FERMT2: variants seen among roughly 807,000 people sequenced by gnomAD.
FERMT2 encodes the protein FERM domain containing kindlin 2.
FERMT2 carries 15 observed loss-of-function variants against 82.7 expected under a neutral mutation model. The observed-to-expected ratio is 0.18, with a 90% CI of 0.12 to 0.28. The LOEUF is 0.28. Among genes scored for constraint, FERMT2 ranks in the 10% least tolerant of loss-of-function variants. The pLI is 1.00. For missense variants in FERMT2, 645 were observed against 809.4 expected (o/e 0.80, Z 2.46); for synonymous variants, 274 against 271.5 (o/e 1.01, Z -0.09).
chr14:52,906,889 A>G (rs1363055132), intron 3 of FERMT2, among the ~76,000 whole-genome samples: 1 of 145,754 alleles, frequency 6.9e-6, no homozygotes, highest in Non-Finnish European at 1.5e-5. Context: ...CAGAGGAACA[A>G]TAACAGACTT....
intron 2 of FERMT2, chr14:52,948,577 T>C (rs1890469135): frequency 2.2e-6 from 1 of 455,724 alleles, no homozygotes; most frequent in Non-Finnish European, 4.4e-6. Flanking sequence ...TGGGCTTCTT[T>C]TCTCTGCATA....
In FERMT2 at chr14:52,867,042, G is replaced by A. The variant is rs530316789; in HGVS notation, c.1274-2189C>T. 2.0e-5 allele frequency among the ~76,000 whole-genome samples: 3 copies of A among 149,756 alleles called. No individual in the cohort carries two copies. In the East Asian group the frequency reaches 5.9e-4, roughly 29 times the overall value. ...ACACCACAACCTACCTCCCTTTTCT[G>A]TTACCTCTTTCCCCCTTCCTTGTCA... On this transcript the variant is annotated intron_variant, in intron 10 of 14. Transcript: ENST00000341590.
At chr14:52,925,315 G>T (rs1457547242) in intron 2 of FERMT2, among the ~76,000 whole-genome samples, 1 of 152,124 alleles carries the variant, frequency 6.6e-6, no homozygotes, top group Non-Finnish European at 1.5e-5. Context: ...ATGTTGGGAG[G>T]CCAAGGTGGG....
chr14:52,868,356 G>A (rs967989706), intron 10 of FERMT2, among the ~76,000 whole-genome samples: 2 of 151,796 alleles, frequency 1.3e-5, no homozygotes, highest in East Asian at 1.9e-4. Context: ...CTCCATCCCC[G>A]ATGAAGTCTC....
At chr14:52,911,901 G>A (rs1171907665) in intron 3 of FERMT2, among the ~76,000 whole-genome samples, 1 of 152,066 alleles carries the variant, frequency 6.6e-6, no homozygotes, top group Non-Finnish European at 1.5e-5. Context: ...CCTCAATTGT[G>A]TAACTGTTTG....
intron 5 of FERMT2, 23 bp from the exon 6 acceptor site, chr14:52,881,161 A>G: frequency 6.3e-7 from 1 of 1,597,198 alleles, no homozygotes; most frequent in African/African-American, 1.3e-5. Flanking sequence ...AGAACAGTGG[A>G]ACAAAACAAC....
At chr14:52,886,324 T>C (rs990751715) in intron 4 of FERMT2, among the ~76,000 whole-genome samples, 1 of 151,872 alleles carries the variant, frequency 6.6e-6, no homozygotes, top group Non-Finnish European at 1.5e-5. Flanking sequence ...AATGTATAGA[T>C]ATATATGTAT....
At chr14:52,867,098 C>CTTT (rs541511056) in intron 10 of FERMT2, among the ~76,000 whole-genome samples, 1 of 141,200 alleles carries the variant, frequency 7.1e-6, no homozygotes, top group South Asian at 2.3e-4. Context: ...GCTTTGCCTC[C>CTTT]TTTTTTTTTT....
At position 52,874,120 on chromosome 14, in the gene FERMT2, C is replaced by CTAT. The variant is rs1157823321; in HGVS notation, c.1148+56_1148+57insATA. ...TTAACAGTTAGTTTCAATAATGTGA[C>CTAT]CATGACTATAAAGCTGACAGTTATT... On this transcript the variant is annotated intron_variant, in intron 9 of 14. Coordinates refer to ENST00000341590, the MANE Select transcript of FERMT2 (RefSeq NM_006832.3). 58 of 1,132,878 alleles carry CTAT rather than the reference C, an allele frequency of 5.1e-5. 1 individual carries two copies. The African/African-American group carries it at 7.2e-4, about 14-fold the overall frequency. The allele number at this position is 1,132,878 out of a possible 1,614,324, so 70.2% of individuals were successfully genotyped here.
At chr14:52,919,387 T>G (rs1419992607) in intron 2 of FERMT2, 31 bp from the exon 3 acceptor site, 1 of 1,478,184 alleles carries the variant, frequency 6.8e-7, no homozygotes, top group African/African-American at 1.4e-5. Context: ...ACAAATCACT[T>G]AAAAATCACC....
intron 2 of FERMT2, among the ~76,000 whole-genome samples, chr14:52,938,607 A>C (rs145768235): frequency 0.021 from 3,209 of 152,226 alleles, 77 homozygotes; most frequent in East Asian, 0.074. Flanking sequence ...CACTCTGTCA[A>C]CCAGGCTGGA....
intron 2 of FERMT2, among the ~76,000 whole-genome samples, chr14:52,946,952 T>C (rs1890383971): frequency 6.6e-6 from 1 of 152,132 alleles, no homozygotes; most frequent in Admixed American, 6.5e-5. Flanking sequence ...GGATTACAGA[T>C]GTGAGCCACC....
chr14:52,926,715 C>A (rs187374872), intron 2 of FERMT2, among the ~76,000 whole-genome samples: 1 of 151,458 alleles, frequency 6.6e-6, no homozygotes, highest in East Asian at 1.9e-4. Flanking sequence ...GGGGGTGGGG[C>A]GTGGGGGGTA....
intron 2 of FERMT2, among the ~76,000 whole-genome samples, chr14:52,949,824 C>CAT (rs1369243004): frequency 6.6e-6 from 1 of 152,160 alleles, no homozygotes; most frequent in Non-Finnish European, 1.5e-5. Context: ...CGGCTTACAT[C>CAT]GAGCATGGAC....
chr14:52,868,266 G>C (rs117768075), intron 10 of FERMT2, among the ~76,000 whole-genome samples: 2,819 of 144,200 alleles, frequency 0.02, 46 homozygotes, highest in Non-Finnish European at 0.029. Flanking sequence ...GGTTGGTCTT[G>C]AACTCCTGGG....
At chr14:52,864,102 G>A (rs937316670) in intron 12 of FERMT2, among the ~76,000 whole-genome samples, 10 of 151,758 alleles carry the variant, frequency 6.6e-5, no homozygotes, top group Admixed American at 6.6e-4. Context: ...GAAGTATTTT[G>A]GGTTTCAGAT....
intron 2 of FERMT2, among the ~76,000 whole-genome samples, chr14:52,921,365 GC>G (rs907442331): frequency 1.3e-5 from 2 of 152,142 alleles, no homozygotes; most frequent in Non-Finnish European, 1.5e-5. Flanking sequence ...TGTGGTTTTG[GC>G]AAAGTCCTGC....
intron 2 of FERMT2, among the ~76,000 whole-genome samples, chr14:52,941,454 A>T (rs183574264): frequency 6.6e-6 from 1 of 152,312 alleles, no homozygotes; most frequent in Non-Finnish European, 1.5e-5. Context: ...AAAAAAAATT[A>T]ACAGGAAAAA....
At chr14:52,869,652 G>T (rs547166662) in intron 10 of FERMT2, among the ~76,000 whole-genome samples, 8 of 150,558 alleles carry the variant, frequency 5.3e-5, no homozygotes, top group Non-Finnish European at 1.2e-4. Context: ...ACCTGATAAT[G>T]ATAAATGACT....
Sources: allele counts gnomAD v4.1 joint callset (sites outside exome capture counted in the v4.1 genomes callset), GRCh38; gene constraint gnomAD v4.1.1; transcripts MANE v1.5; gene names NCBI Gene and HGNC (gene_info 2026-07-23, HGNC 2026-07-21).